The following MALRD1 variants were observed in gnomAD, a reference collection of about 807,000 sequenced individuals.
The protein encoded by MALRD1 is MAM and LDL-receptor class A domain-containing protein 1.
Under a neutral mutation model 242.1 loss-of-function variants are expected in MALRD1, and 247 were observed. That is an observed-to-expected ratio of 1.02 (90% CI 0.92 to 1.13). The LOEUF is 1.13. Ranked by LOEUF, MALRD1 falls within the 50% of genes most tolerant of loss-of-function variation. The pLI, the probability that MALRD1 is intolerant of heterozygous loss-of-function variation, is 0.00. For missense variants in MALRD1, 2,989 were observed against 2,533.1 expected (o/e 1.18, Z -3.86); for synonymous variants, 995 against 866.6 (o/e 1.15, Z -2.60).
chr10:19,318,007 T>G (rs1256158275), intron 21 of MALRD1, among the ~76,000 whole-genome samples: 1 of 152,056 alleles, frequency 6.6e-6, no homozygotes. Flanking sequence ...CTATAAAATG[T>G]CCTACTTCCC....
At chr10:19,327,751 C>T (rs1843199310) in intron 23 of MALRD1, 78 bp downstream of exon 23, 1 of 1,160,808 alleles carries the variant, frequency 8.6e-7, no homozygotes, top group Non-Finnish European at 1.2e-6. Context: ...TCTCTACTCA[C>T]AGTCTTCTTG....
At chr10:19,640,954 T>C (rs560730345) in intron 36 of MALRD1, among the ~76,000 whole-genome samples, 1 of 152,310 alleles carries the variant, frequency 6.6e-6, no homozygotes, top group East Asian at 1.9e-4. Flanking sequence ...AATCATCTAA[T>C]AATTGTTTTC....
chr10:19,438,652 C>A (rs1443422505), intron 28 of MALRD1, among the ~76,000 whole-genome samples: 1 of 152,176 alleles, frequency 6.6e-6, no homozygotes, highest in African/African-American at 2.4e-5. Context: ...TTTGCCTCTT[C>A]ACCAACACTT....
chr10:19,125,921 C>G (rs1837269151), intron 7 of MALRD1, among the ~76,000 whole-genome samples: 2 of 152,044 alleles, frequency 1.3e-5, no homozygotes, highest in Non-Finnish European at 2.9e-5. Context: ...CAAAGGTTGA[C>G]TCTTTAATCA....
chr10:19,071,870 T>G (rs1835158705), intron 2 of MALRD1, among the ~76,000 whole-genome samples: 1 of 152,170 alleles, frequency 6.6e-6, no homozygotes, highest in Non-Finnish European at 1.5e-5. Context: ...CAGTGAAAAT[T>G]TAATGTCCAT....
chr10:19,588,341 A>C (rs1231227905), intron 33 of MALRD1, among the ~76,000 whole-genome samples: 1 of 152,212 alleles, frequency 6.6e-6, no homozygotes, highest in Non-Finnish European at 1.5e-5. Context: ...CAATGTCAGA[A>C]ATATTGATTG....
intron 38 of MALRD1, chr10:19,721,834 A>ACTTGAG (rs1308211248): frequency 6.6e-6 from 1 of 152,292 alleles, no homozygotes; most frequent in Non-Finnish European, 1.5e-5. Flanking sequence ...CTGGGCTGCC[A>ACTTGAG]CTTGAGCAGG....
chr10:19,582,285 G>T (rs1301491330), intron 33 of MALRD1, among the ~76,000 whole-genome samples: 1 of 151,738 alleles, frequency 6.6e-6, no homozygotes, highest in African/African-American at 2.4e-5. Flanking sequence ...TTTTAGACAT[G>T]AAGTCCTTGC....
intron 21 of MALRD1, among the ~76,000 whole-genome samples, chr10:19,287,480 C>T (rs973558154): frequency 1.3e-5 from 2 of 151,926 alleles, no homozygotes; most frequent in Non-Finnish European, 2.9e-5. Context: ...AATTTCTGAG[C>T]TAGATATTGC....
intron 10 of MALRD1, among the ~76,000 whole-genome samples, chr10:19,143,266 T>C (rs757063737): frequency 2.0e-5 from 3 of 152,360 alleles, no homozygotes; most frequent in African/African-American, 7.2e-5. Flanking sequence ...TCTTTCTTTA[T>C]GTCTTTGCGG....
intron 28 of MALRD1, among the ~76,000 whole-genome samples, chr10:19,392,564 T>G (rs1026825897): frequency 6.6e-6 from 1 of 152,186 alleles, no homozygotes. Context: ...TTGAGAACAT[T>G]TGGTAAAGAG....
intron 33 of MALRD1, 141 bp downstream of exon 33, chr10:19,567,844 GA>G (rs1450575498): frequency 2.8e-6 from 2 of 718,904 alleles, no homozygotes; most frequent in Non-Finnish European, 4.5e-6. Flanking sequence ...CATATACTAA[GA>G]AGTAAAGTTT....
At chr10:19,706,240 T>C (rs1414612962) in intron 38 of MALRD1, among the ~76,000 whole-genome samples, 2 of 152,202 alleles carry the variant, frequency 1.3e-5, no homozygotes, top group Non-Finnish European at 2.9e-5. Flanking sequence ...CAGATTACAC[T>C]TAGAAAAGTG....
At chr10:19,054,358 G>A (rs958271519) in intron 1 of MALRD1, among the ~76,000 whole-genome samples, 4 of 151,960 alleles carry the variant, frequency 2.6e-5, no homozygotes, top group Non-Finnish European at 5.9e-5. Flanking sequence ...CCATTGCTTT[G>A]CAAAGCATTG....
chr10:19,334,543 ATAAT>A (rs1843522526), intron 24 of MALRD1, among the ~76,000 whole-genome samples: 1 of 152,078 alleles, frequency 6.6e-6, no homozygotes, highest in African/African-American at 2.4e-5. Context: ...CATAAATATG[ATAAT>A]TACTGTATCA....
chr10:19,645,759 T>G (rs958277788), intron 36 of MALRD1, among the ~76,000 whole-genome samples: 2 of 151,974 alleles, frequency 1.3e-5, no homozygotes, highest in African/African-American at 4.8e-5. Flanking sequence ...GGATAGCATT[T>G]GGAGATATAC....
At chr10:19,200,661 T>TGTTTGTTTGTTTTTG (rs1214122545) in intron 14 of MALRD1, among the ~76,000 whole-genome samples, 7 of 146,932 alleles carry the variant, frequency 4.8e-5, no homozygotes, top group African/African-American at 1.5e-4. Flanking sequence ...TTTTTTTTTT[T>TGTTTGTTTGTTTTTG]TTTTTTTTTT....
At chr10:19,696,150 A>G (rs780030639) in intron 38 of MALRD1, among the ~76,000 whole-genome samples, 10 of 151,896 alleles carry the variant, frequency 6.6e-5, no homozygotes, top group Admixed American at 1.3e-4. Context: ...GCATGAAGGA[A>G]CTCTGCAGGC....
At chr10:19,598,060 C>A (rs552350514) in intron 34 of MALRD1, among the ~76,000 whole-genome samples, 6 of 152,158 alleles carry the variant, frequency 3.9e-5, no homozygotes, top group African/African-American at 1.4e-4. Context: ...TGCCACCATG[C>A]CAGTGCTATA....
Sources: allele counts gnomAD v4.1 joint callset (sites outside exome capture counted in the v4.1 genomes callset), GRCh38; gene constraint gnomAD v4.1.1; transcripts MANE v1.5; gene names NCBI Gene and HGNC (gene_info 2026-07-23, HGNC 2026-07-21).